RPS6KC1: variants seen among roughly 807,000 people sequenced by gnomAD.
RPS6KC1 encodes the protein ribosomal protein S6 kinase C1, also known as inactive ribosomal protein S6 kinase delta-1.
Under a neutral mutation model 103.8 loss-of-function variants are expected in RPS6KC1, and 54 were observed. That is an observed-to-expected ratio of 0.52 (90% CI 0.42 to 0.65). The LOEUF is 0.65. Among genes scored for constraint, RPS6KC1 ranks in the 30% least tolerant of loss-of-function variants. The pLI is 0.00. For synonymous variants in RPS6KC1, 439 were observed against 438.7 expected, an observed-to-expected ratio of 1.00 and a Z score of -0.01; for missense variants, 1,151 against 1,253.8, an observed-to-expected ratio of 0.92 and a Z score of 1.24.
chr1:213,500,345 A>G, the RPS6KC1 span, among the ~76,000 whole-genome samples: 1 of 152,176 alleles, frequency 6.6e-6, no homozygotes, highest in Non-Finnish European at 1.5e-5. Flanking sequence ...GGGCAATAGC[A>G]CTAACGGCGC....
chr1:213,753,427 G>C, the RPS6KC1 span, among the ~76,000 whole-genome samples: 1 of 152,096 alleles, frequency 6.6e-6, no homozygotes, highest in East Asian at 1.9e-4. Flanking sequence ...AATGGGTTTT[G>C]CTCCCCAAGG....
chr1:213,218,299 A>T (rs546117676), intron 8 of RPS6KC1, among the ~76,000 whole-genome samples: 183 of 152,242 alleles, frequency 1.2e-3, no homozygotes, highest in South Asian at 2.7e-3. Flanking sequence ...AATACCTAGG[A>T]ATCCAACTTA....
At chr1:213,794,242 G>A in the RPS6KC1 span, 1 of 152,026 alleles carries the variant, frequency 6.6e-6, no homozygotes, top group African/African-American at 2.4e-5. Flanking sequence ...TTTAAAAATT[G>A]CCCCATGCAT....
At chr1:213,651,327 G>A in the RPS6KC1 span, among the ~76,000 whole-genome samples, 1 of 152,186 alleles carries the variant, frequency 6.6e-6, no homozygotes, top group Non-Finnish European at 1.5e-5. Flanking sequence ...AGGAGATGTG[G>A]TCCCTAGAAA....
chr1:213,242,470 A>G, intron 11 of RPS6KC1, 99 bp from the exon 12 acceptor site: 1 of 1,132,412 alleles, frequency 8.8e-7, no homozygotes, highest in Non-Finnish European at 1.3e-6. Flanking sequence ...ATTATTCTTA[A>G]TGATACTGTT....
the RPS6KC1 span, among the ~76,000 whole-genome samples, chr1:213,699,630 C>T: frequency 6.6e-6 from 1 of 151,968 alleles, no homozygotes; most frequent in Non-Finnish European, 1.5e-5. Context: ...TGAGGAACTT[C>T]CAAACTATTT....
the RPS6KC1 span, among the ~76,000 whole-genome samples, chr1:213,332,458 G>A: frequency 6.6e-6 from 1 of 152,214 alleles, no homozygotes; most frequent in South Asian, 2.1e-4. Flanking sequence ...TAAAAGAAAT[G>A]CCACAGAAGA....
chr1:213,267,130 G>T (rs1450540831), intron 14 of RPS6KC1, among the ~76,000 whole-genome samples: 24 of 151,760 alleles, frequency 1.6e-4, no homozygotes, highest in Non-Finnish European at 1.3e-4. Context: ...AAAAGCCAGG[G>T]CAGATGTGGT....
intron 8 of RPS6KC1, among the ~76,000 whole-genome samples, chr1:213,191,716 T>G (rs1039295768): frequency 6.6e-6 from 1 of 152,170 alleles, no homozygotes; most frequent in African/African-American, 2.4e-5. Context: ...TGTTATATTC[T>G]CGATCTTAGA....
the RPS6KC1 span, among the ~76,000 whole-genome samples, chr1:213,453,175 G>A: frequency 4.3e-4 from 66 of 152,076 alleles, no homozygotes; most frequent in South Asian, 2.1e-3. Context: ...ACTCCTGGAC[G>A]GTAAGGAGAG....
the RPS6KC1 span, among the ~76,000 whole-genome samples, chr1:213,729,912 T>C: frequency 6.6e-6 from 1 of 152,248 alleles, no homozygotes; most frequent in Non-Finnish European, 1.5e-5. Flanking sequence ...TTCCGGATCT[T>C]CTCCCTCCTC....
the RPS6KC1 span, among the ~76,000 whole-genome samples, chr1:213,854,855 G>A: frequency 1.3e-5 from 2 of 152,168 alleles, no homozygotes; most frequent in African/African-American, 4.8e-5. Context: ...CCAGGTCCCT[G>A]TCTTAGTCAT....
At chr1:213,853,639 A>T in the RPS6KC1 span, among the ~76,000 whole-genome samples, 1 of 152,350 alleles carries the variant, frequency 6.6e-6, no homozygotes, top group African/African-American at 2.4e-5. Context: ...CTTTGGCTTA[A>T]CACTTGTTTT....
chr1:213,134,736 T>C (rs1231483206), intron 6 of RPS6KC1, among the ~76,000 whole-genome samples: 1 of 152,076 alleles, frequency 6.6e-6, no homozygotes. Flanking sequence ...TGGAAATAGA[T>C]AGATAATATG....
intron 1 of RPS6KC1, among the ~76,000 whole-genome samples, chr1:213,062,323 G>A (rs1177798263): frequency 1.3e-5 from 2 of 152,072 alleles, no homozygotes; most frequent in Non-Finnish European, 2.9e-5. Context: ...AATGAATTTT[G>A]TGTTTAGTCT....
At chr1:213,858,346 C>T in the RPS6KC1 span, among the ~76,000 whole-genome samples, 3 of 152,120 alleles carry the variant, frequency 2.0e-5, no homozygotes, top group African/African-American at 4.8e-5. Context: ...AGTGGCATTC[C>T]CAGGTCAAGA....
chr1:213,734,888 G>A, the RPS6KC1 span, among the ~76,000 whole-genome samples: 1 of 149,772 alleles, frequency 6.7e-6, no homozygotes, highest in Non-Finnish European at 1.5e-5. Flanking sequence ...CTGTAATTGA[G>A]AAGTCAAGTG....
At chr1:213,798,108 G>C in the RPS6KC1 span, among the ~76,000 whole-genome samples, 1 of 152,176 alleles carries the variant, frequency 6.6e-6, no homozygotes, top group Non-Finnish European at 1.5e-5. Context: ...GGGAGACCAG[G>C]CTGCAACTGT....
chr1:213,070,742 C>A (rs2078792316), intron 1 of RPS6KC1, among the ~76,000 whole-genome samples: 1 of 152,152 alleles, frequency 6.6e-6, no homozygotes, highest in Non-Finnish European at 1.5e-5. Context: ...ATATCTATTT[C>A]TCTTTCATTA....
Sources: allele counts gnomAD v4.1 joint callset (sites outside exome capture counted in the v4.1 genomes callset), GRCh38; gene constraint gnomAD v4.1.1; transcripts MANE v1.5; gene names NCBI Gene and HGNC (gene_info 2026-07-23, HGNC 2026-07-21).